The following NPAS3 variants were observed in gnomAD, a reference collection of about 807,000 sequenced individuals.
NPAS3 encodes neuronal PAS domain protein 3, also known as neuronal PAS domain-containing protein 3.
A neutral mutation model predicts 73.1 loss-of-function variants in NPAS3; 14 were observed. The ratio of observed to expected loss-of-function variants is 0.19; its 90% CI spans 0.13 to 0.30. The LOEUF (loss-of-function observed/expected upper bound fraction) is 0.30. Ranked by LOEUF, NPAS3 falls within the 10% of genes least tolerant of loss-of-function variation. The pLI, the probability that NPAS3 is intolerant of heterozygous loss-of-function variation, is 1.00. For missense variants in NPAS3, 1,096 were observed against 1,250.0 expected (o/e 0.88, Z 1.86); for synonymous variants, 620 against 541.5 (o/e 1.14, Z -2.01).
chr14:33,725,652 T>C (rs1346737711), intron 6 of NPAS3, among the ~76,000 whole-genome samples: 2 of 152,156 alleles, frequency 1.3e-5, no homozygotes, highest in Non-Finnish European at 2.9e-5. Flanking sequence ...CTCCAGCTCA[T>C]CATGTCATCA....
intron 2 of NPAS3, among the ~76,000 whole-genome samples, chr14:33,106,189 C>T (rs2042717995): frequency 6.6e-6 from 1 of 152,016 alleles, no homozygotes; most frequent in Admixed American, 6.6e-5. Flanking sequence ...TTCCTTTTTG[C>T]AAAATCTTGG....
chr14:33,399,498 C>T (rs1200678891), intron 4 of NPAS3, among the ~76,000 whole-genome samples: 1 of 152,054 alleles, frequency 6.6e-6, no homozygotes, highest in Non-Finnish European at 1.5e-5. Flanking sequence ...AGCACTTACT[C>T]CCTCTGTAAA....
At chr14:33,138,381 C>T (rs1413443034) in intron 2 of NPAS3, among the ~76,000 whole-genome samples, 1 of 152,058 alleles carries the variant, frequency 6.6e-6, no homozygotes, top group East Asian at 1.9e-4. Flanking sequence ...AGTAGTCATA[C>T]AGTAATTATT....
chr14:33,201,018 C>A (rs1254114056), intron 2 of NPAS3, among the ~76,000 whole-genome samples: 3 of 152,078 alleles, frequency 2.0e-5, no homozygotes, highest in Admixed American at 6.5e-5. Context: ...TAAAAACCAA[C>A]CAAACTATAC....
At position 33,367,181 on chromosome 14, in the gene NPAS3, T is replaced by A; in HGVS notation, c.386-5T>A. 1.2e-6 allele frequency: 1 copy of A among 844,388 alleles called. No homozygotes were observed. Among genetic ancestry groups the A allele is most frequent in the Non-Finnish European group, 2.0e-6 (1 of 493,370 alleles). 52.3% of individuals were successfully genotyped at this position (844,388 alleles called of 1,614,324 possible). ...TCTGTTTTCTTTCTTTCTTTTTCTT[T>A]TAAGTTATAGGTGCACAGCGAAGGA... On this transcript the variant is annotated splice_region_variant and splice_polypyrimidine_tract_variant and intron_variant, in intron 3 of 11. Transcript: ENST00000356141.
intron 2 of NPAS3, among the ~76,000 whole-genome samples, chr14:33,062,933 A>C (rs182973850): frequency 1.7e-4 from 26 of 152,386 alleles, no homozygotes; most frequent in Non-Finnish European, 1.8e-4. Flanking sequence ...TTTATGCATT[A>C]GAGTATAATC....
chr14:33,561,869 C>T (rs988811897), intron 5 of NPAS3, among the ~76,000 whole-genome samples: 9 of 152,116 alleles, frequency 5.9e-5, no homozygotes, highest in Non-Finnish European at 1.3e-4. Context: ...ATTTTACAGC[C>T]CTGCTTAGTG....
chr14:33,235,441 T>A (rs926257702), intron 3 of NPAS3, among the ~76,000 whole-genome samples: 7 of 152,106 alleles, frequency 4.6e-5, no homozygotes, highest in African/African-American at 1.7e-4. Flanking sequence ...ATGTAGGTTA[T>A]AGTCACTGTG....
intron 3 of NPAS3, among the ~76,000 whole-genome samples, chr14:33,294,825 G>T (rs997126536): frequency 6.6e-6 from 1 of 152,192 alleles, no homozygotes; most frequent in Non-Finnish European, 1.5e-5. Flanking sequence ...GAGGGAGAGA[G>T]CTTTGGCAGA....
At chr14:33,649,471 ATGC>A (rs1396078462) in intron 5 of NPAS3, among the ~76,000 whole-genome samples, 1 of 152,230 alleles carries the variant, frequency 6.6e-6, no homozygotes, top group African/African-American at 2.4e-5. Flanking sequence ...TGTATAAAAG[ATGC>A]TATTCCCATC....
At chr14:33,288,629 C>T (rs1287445424) in intron 3 of NPAS3, among the ~76,000 whole-genome samples, 1 of 151,888 alleles carries the variant, frequency 6.6e-6, no homozygotes, top group Non-Finnish European at 1.5e-5. Flanking sequence ...CACATCTAAA[C>T]TATGATGTTA....
chr14:33,577,344 T>TAAA (rs2139853901), intron 5 of NPAS3, among the ~76,000 whole-genome samples: 1 of 152,324 alleles, frequency 6.6e-6, no homozygotes, highest in African/African-American at 2.4e-5. Context: ...TCTCTTCCTC[T>TAAA]GCTTTCTGAG....
chr14:33,682,362 T>C (rs2059964285), intron 6 of NPAS3, among the ~76,000 whole-genome samples: 1 of 152,158 alleles, frequency 6.6e-6, no homozygotes, highest in Admixed American at 6.5e-5. Context: ...TCACTACTAA[T>C]CCTTTTGTGT....
At chr14:33,132,792 C>T (rs2043691370) in intron 2 of NPAS3, among the ~76,000 whole-genome samples, 1 of 152,136 alleles carries the variant, frequency 6.6e-6, no homozygotes, top group Non-Finnish European at 1.5e-5. Flanking sequence ...ATGGTAGTGA[C>T]TTTAGAAGCA....
At chr14:33,487,285 C>T (rs1009527411) in intron 4 of NPAS3, among the ~76,000 whole-genome samples, 28 of 152,144 alleles carry the variant, frequency 1.8e-4, no homozygotes, top group Non-Finnish European at 4.4e-5. Flanking sequence ...AACCAAGTCC[C>T]AGACATAATA....
chr14:33,687,140 T>C (rs2060112336), intron 6 of NPAS3, among the ~76,000 whole-genome samples: 1 of 152,178 alleles, frequency 6.6e-6, no homozygotes, highest in Non-Finnish European at 1.5e-5. Flanking sequence ...CAGGAGCTAA[T>C]TATTAACGCT....
At chr14:33,345,518 A>G (rs962698090) in intron 3 of NPAS3, among the ~76,000 whole-genome samples, 8 of 152,234 alleles carry the variant, frequency 5.3e-5, no homozygotes, top group Admixed American at 3.9e-4. Flanking sequence ...ACTGAAAGTT[A>G]AGAAGTATTC....
At chr14:33,412,413 C>T (rs2047969128) in intron 4 of NPAS3, among the ~76,000 whole-genome samples, 1 of 152,182 alleles carries the variant, frequency 6.6e-6, no homozygotes, top group African/African-American at 2.4e-5. Flanking sequence ...AGCCACTACA[C>T]CTGGCCGGAT....
chr14:33,380,995 A>G (rs1405906319), intron 4 of NPAS3, among the ~76,000 whole-genome samples: 2 of 152,196 alleles, frequency 1.3e-5, no homozygotes, highest in East Asian at 3.8e-4. Context: ...AAGAAACAGA[A>G]AATTCTTTTT....
Sources: gnomAD v4.1 joint callset for allele counts (sites outside exome capture counted in the v4.1 genomes callset) on GRCh38, gnomAD v4.1.1 for gene constraint, MANE v1.5 for transcripts, NCBI Gene and HGNC (gene_info 2026-07-23, HGNC 2026-07-21) for gene names.